Variants in GRIP1 observed in about 807,000 individuals in gnomAD.
The protein encoded by GRIP1 is glutamate receptor interacting protein 1.
Under a neutral mutation model 129.9 loss-of-function variants are expected in GRIP1, and 45 were observed. The observed-to-expected ratio is 0.35, with a 90% confidence interval of 0.27 to 0.44. The LOEUF is 0.44. Among genes scored for constraint, GRIP1 ranks in the 20% least tolerant of loss-of-function variants. The pLI is 1.00. For missense variants in GRIP1, 1,196 were observed against 1,396.8 expected, an observed-to-expected ratio of 0.86 and a Z score of 2.29; for synonymous variants, 530 against 520.8, an observed-to-expected ratio of 1.02 and a Z score of -0.24.
chr12:66,746,988 T>G (rs2036969001), intron 1 of GRIP1, among the ~76,000 whole-genome samples: 1 of 152,200 alleles, frequency 6.6e-6, no homozygotes. Context: ...CACATTCATC[T>G]GAGTTATGGC....
intron 1 of GRIP1, among the ~76,000 whole-genome samples, chr12:66,625,234 AT>A (rs1451681150): frequency 6.6e-6 from 1 of 152,154 alleles, no homozygotes; most frequent in Non-Finnish European, 1.5e-5. Context: ...TTCTTAACCA[AT>A]GTAACTCGCA....
chr12:66,678,049 G>A (rs1057069819), intron 1 of GRIP1, among the ~76,000 whole-genome samples: 1 of 152,046 alleles, frequency 6.6e-6, no homozygotes, highest in Non-Finnish European at 1.5e-5. Flanking sequence ...AATAAGGCAA[G>A]AGAGCTCACA....
chr12:66,939,594 C>G (rs1314825920), intron 1 of GRIP1, among the ~76,000 whole-genome samples: 1 of 152,090 alleles, frequency 6.6e-6, no homozygotes, highest in Admixed American at 6.5e-5. Context: ...ATCATTCCAA[C>G]TGGGGCATGG....
At position 67,026,405 on chromosome 12, in the gene GRIP1, C is replaced by T. The variant is rs185057854; in HGVS notation, c.58+42645G>A. 2.1e-3 allele frequency among the ~76,000 whole-genome samples: 315 copies of T among 152,236 alleles called. 2 individuals are homozygous for T. Among genetic ancestry groups the T allele is most frequent in the African/African-American group, 6.9e-3 (285 of 41,538 alleles). On this transcript the variant is annotated intron_variant, in intron 1 of 1. Transcript: ENST00000643019. ...CTTACTTTTGACTTCCATAGTGTCC[C>T]ATTTTCTATTCACTCCCCTACAAAG... is the stretch of plus-strand genomic sequence containing the variant.
chr12:66,528,953 C>A (rs535110576), intron 5 of GRIP1, among the ~76,000 whole-genome samples: 10 of 152,038 alleles, frequency 6.6e-5, no homozygotes, highest in African/African-American at 9.6e-5. Flanking sequence ...CAAGAAAAAA[C>A]CAAACAATCC....
intron 1 of GRIP1, among the ~76,000 whole-genome samples, chr12:67,048,057 C>T (rs17183420): frequency 0.024 from 3,629 of 151,974 alleles, 57 homozygotes; most frequent in Middle Eastern, 0.051. Context: ...CTGGCCATAT[C>T]ATTTATCAAT....
intron 1 of GRIP1, among the ~76,000 whole-genome samples, chr12:66,796,535 G>A (rs1255922793): frequency 2.0e-5 from 3 of 152,106 alleles, no homozygotes; most frequent in Non-Finnish European, 2.9e-5. Context: ...TATCTCAAAC[G>A]CTCACCCTTC....
intron 1 of GRIP1, among the ~76,000 whole-genome samples, chr12:66,792,119 C>T (rs2038556964): frequency 6.6e-6 from 1 of 152,080 alleles, no homozygotes; most frequent in African/African-American, 2.4e-5. Flanking sequence ...GTAAGAGCTA[C>T]CAAATACGCT....
At chr12:67,030,705 G>T (rs776686153) in intron 1 of GRIP1, among the ~76,000 whole-genome samples, 54 of 151,976 alleles carry the variant, frequency 3.6e-4, no homozygotes, top group Non-Finnish European at 6.6e-4. Context: ...AAAGTGCTAG[G>T]GTGAGTTTAT....
intron 1 of GRIP1, among the ~76,000 whole-genome samples, chr12:66,768,260 G>T (rs2037707752): frequency 6.6e-6 from 1 of 152,190 alleles, no homozygotes; most frequent in Non-Finnish European, 1.5e-5. Context: ...ACTTTCTGAT[G>T]AACTTCACTG....
rs541972152 is a variant in GRIP1 at position 67,017,418 on chromosome 12, T to C, written c.58+51632A>G. On this transcript the variant is annotated intron_variant, in intron 1 of 1. Coordinates refer to the GRIP1 transcript ENST00000643019. ...CCTTGAAGAATTAGGTGTATTTTAA[T>C]GGGTGGAGAATTAGGAAGAGACTAT... 2.1e-4 allele frequency among the ~76,000 whole-genome samples: 32 copies of C among 151,838 alleles called. No individual in the cohort carries two copies. The South Asian group carries it at 3.1e-3, about 15-fold the overall frequency.
chr12:66,444,485 T>A lies in GRIP1; in HGVS notation c.1687+99A>T. ...TCCAGCCTGGGCGACAGAGCGAGAC[T>A]CCGTCTCAAAAAAAAAAAAAAAAAA... On this transcript the variant is annotated intron_variant, in intron 13 of 24. Transcript: ENST00000359742. 4.2e-6 allele frequency: 4 copies of A among 955,428 alleles called. No individual in the cohort carries two copies. In the South Asian group the frequency reaches 5.6e-5, roughly 13 times the overall value. The allele number at this position is 955,428 out of a possible 1,614,324, so 59.2% of individuals were successfully genotyped here.
chr12:66,742,389 A>G (rs2036814811), intron 1 of GRIP1, among the ~76,000 whole-genome samples: 1 of 152,196 alleles, frequency 6.6e-6, no homozygotes, highest in Admixed American at 6.5e-5. Context: ...ACCAGTATAA[A>G]TTGCTACACG....
intron 5 of GRIP1, among the ~76,000 whole-genome samples, chr12:66,521,858 C>T (rs931242769): frequency 6.6e-6 from 1 of 152,230 alleles, no homozygotes; most frequent in Non-Finnish European, 1.5e-5. Flanking sequence ...GATTATATCC[C>T]GTACCTGGCT....
intron 1 of GRIP1, among the ~76,000 whole-genome samples, chr12:66,742,361 G>C (rs1398749661): frequency 6.6e-6 from 1 of 152,126 alleles, no homozygotes; most frequent in African/African-American, 2.4e-5. Context: ...AGAAATATTT[G>C]CTTGTAATCT....
At chr12:66,476,838 T>C (rs2059631002) in intron 7 of GRIP1, among the ~76,000 whole-genome samples, 1 of 152,202 alleles carries the variant, frequency 6.6e-6, no homozygotes, top group African/African-American at 2.4e-5. Flanking sequence ...CCCTTCATGC[T>C]AAAAACTCTC....
At chr12:66,983,148 G>A (rs7953931) in intron 1 of GRIP1, among the ~76,000 whole-genome samples, 10 of 152,048 alleles carry the variant, frequency 6.6e-5, no homozygotes, top group South Asian at 2.1e-4. Flanking sequence ...CAGTGCCACC[G>A]CAACACTGGA....
At position 66,510,009 on chromosome 12, in the gene GRIP1, T is replaced by C. The variant is rs576746652; in HGVS notation, c.724+5610A>G. ...TTTCCTTATACTTTTATGTTACTTT[T>C]CCAACCACAGGGCTCTCAGACCCAA... On this transcript the variant is annotated intron_variant, in intron 7 of 24. Coordinates refer to ENST00000359742, the MANE Select transcript of GRIP1 (RefSeq NM_001366722.1). Among the ~76,000 whole-genome samples, 4 of 152,294 alleles carry C rather than the reference T, an allele frequency of 2.6e-5. No homozygotes were observed. The South Asian group carries it at 8.3e-4, about 32-fold the overall frequency.
At chr12:66,800,091 C>A (rs1444591792) in intron 1 of GRIP1, among the ~76,000 whole-genome samples, 1 of 152,152 alleles carries the variant, frequency 6.6e-6, no homozygotes, top group East Asian at 1.9e-4. Context: ...ACAATTACTG[C>A]TGAATATCTA....
Sources: allele counts gnomAD v4.1 joint callset (sites outside exome capture counted in the v4.1 genomes callset), GRCh38; gene constraint gnomAD v4.1.1; transcripts MANE v1.5; gene names NCBI Gene and HGNC (gene_info 2026-07-23, HGNC 2026-07-21).